Variants in MYOCD observed in about 807,000 individuals in gnomAD.
MYOCD encodes the protein myocardin.
In MYOCD, 32 loss-of-function variants were observed where a neutral mutation model predicts 96.1. That is an observed-to-expected ratio of 0.33 (90% CI 0.25 to 0.45). MYOCD has a LOEUF of 0.45. MYOCD is among the 20% of genes least tolerant of loss of function. The pLI is 1.00. For missense variants in MYOCD, 1,133 were observed against 1,200.6 expected (o/e 0.94, Z 0.83); for synonymous variants, 469 against 469.0 (o/e 1.00, Z 0.00).
intron 7 of MYOCD, among the ~76,000 whole-genome samples, chr17:12,742,775 T>C (rs1597799331): frequency 6.6e-6 from 1 of 152,180 alleles, no homozygotes; most frequent in South Asian, 2.1e-4. Context: ...TTTCACCATG[T>C]TGGCCAGGCT....
chr17:12,666,002 C>T lies in MYOCD; in HGVS notation c.-187C>T, dbSNP rs1028988101. 1.8e-6 allele frequency: 1 copy of T among 557,054 alleles called. No homozygotes were observed. Among genetic ancestry groups the T allele is most frequent in the Non-Finnish European group, 3.2e-6 (1 of 312,876 alleles). The allele number at this position is 557,054 out of a possible 1,614,324, so 34.5% of individuals were successfully genotyped here. A position where few individuals can be genotyped will look rare whatever the true frequency, so the allele number is the denominator to read the frequency against. On this transcript the variant is annotated 5_prime_UTR_variant, in exon 1 of 14. The change creates a new upstream start codon in the 5' untranslated region. Coordinates refer to ENST00000425538, the MANE Select transcript of MYOCD (RefSeq NM_001146312.3). ...CGGCTAAGAGTTAATTAGCCCCGCA[C>T]GGCGAGGGGGGAGGCGCCAGTTTTC...
Position 12,768,066 on chromosome 17 carries a change from A to C in MYOCD, c.*4422A>C, listed in dbSNP as rs2033387175. 1 of 152,214 alleles carries C rather than the reference A, an allele frequency of 6.6e-6. No homozygotes were observed. Among genetic ancestry groups the C allele is most frequent in the Admixed American group, 6.5e-5 (1 of 15,284 alleles). The allele number at this position is 152,214 out of a possible 1,614,324, so 9.4% of individuals were successfully genotyped here. On this transcript the variant is annotated 3_prime_UTR_variant, in exon 14 of 14. Transcript: ENST00000425538. ...ATCAGATATGAGAAAACCTGTAGTG[A>C]AGAGTCTGGGTTCTTGGTTTTCTCA...
Position 12,722,827 on chromosome 17 carries a change from T to G in MYOCD, c.254-20T>G, listed in dbSNP as rs761464030. On this transcript the variant is annotated intron_variant, in intron 4 of 13. Transcript: ENST00000425538. ...AGACATCAAATTCTAGAACTGATCC[T>G]TTTCATTTCAACCCTTTAGCTTCCA... 1 of 1,596,092 alleles carries G rather than the reference T, an allele frequency of 6.3e-7. No individual in the cohort carries two copies. The highest frequency in any genetic ancestry group is 1.1e-5 in the South Asian group (1 of 88,248).
chr17:12,733,058 C>G (rs2032225846), intron 5 of MYOCD, among the ~76,000 whole-genome samples: 1 of 152,118 alleles, frequency 6.6e-6, no homozygotes, highest in Admixed American at 6.5e-5. Context: ...CGCCTATAAT[C>G]CCAGCACTTT....
intron 1 of MYOCD, among the ~76,000 whole-genome samples, chr17:12,676,292 C>CAG (rs1910046668): frequency 1.6e-5 from 2 of 124,716 alleles, no homozygotes; most frequent in African/African-American, 3.0e-5. Context: ...CACACACACA[C>CAG]AGAAATGTCT....
At chr17:12,714,325 A>G (rs12949803) in intron 2 of MYOCD, among the ~76,000 whole-genome samples, 2 of 133,026 alleles carry the variant, frequency 1.5e-5, no homozygotes, top group South Asian at 4.7e-4. Context: ...AGGCACGTGC[A>G]CACACACACA....
intron 6 of MYOCD, 129 bp from the exon 7 acceptor site, chr17:12,739,074 G>T (rs1466054488): frequency 2.9e-6 from 3 of 1,039,584 alleles, no homozygotes; most frequent in South Asian, 3.3e-5. Flanking sequence ...CACTGAGGGA[G>T]TAGGCTGATA....
At chr17:12,690,685 G>A (rs779965731) in intron 1 of MYOCD, among the ~76,000 whole-genome samples, 17 of 152,010 alleles carry the variant, frequency 1.1e-4, no homozygotes, top group Admixed American at 2.0e-4. Flanking sequence ...TTGTGAAAAT[G>A]TATTCCCAGT....
intron 5 of MYOCD, among the ~76,000 whole-genome samples, chr17:12,723,859 A>G (rs929756946): frequency 1.3e-5 from 2 of 152,228 alleles, no homozygotes; most frequent in Non-Finnish European, 2.9e-5. Context: ...AGTAGGTGTA[A>G]GGGCATTTTA....
chr17:12,718,255 G>A (rs191100489), intron 4 of MYOCD, among the ~76,000 whole-genome samples: 1 of 152,130 alleles, frequency 6.6e-6, no homozygotes, highest in Non-Finnish European at 1.5e-5. Flanking sequence ...AATCCAGCAT[G>A]AAAAGAAAGG....
intron 7 of MYOCD, among the ~76,000 whole-genome samples, chr17:12,740,159 T>C (rs1672331056): frequency 6.6e-6 from 1 of 152,154 alleles, no homozygotes; most frequent in African/African-American, 2.4e-5. Context: ...ATGGTCTTCA[T>C]CTCCTGACCT....
intron 2 of MYOCD, among the ~76,000 whole-genome samples, chr17:12,712,481 G>A (rs1329593782): frequency 2.0e-5 from 3 of 152,248 alleles, no homozygotes; most frequent in African/African-American, 4.8e-5. Context: ...GTGGTTCCAC[G>A]ACCTGTCTTC....
intron 1 of MYOCD, among the ~76,000 whole-genome samples, chr17:12,698,306 A>G (rs1022185658): frequency 6.6e-6 from 1 of 152,232 alleles, no homozygotes; most frequent in African/African-American, 2.4e-5. Context: ...AAAATCTGAT[A>G]AAAGTCATAA....
rs752426046 is a variant in MYOCD at position 12,665,907 on chromosome 17, G to A, written c.-282G>A. 42 of 458,824 alleles carry A rather than the reference G, an allele frequency of 9.2e-5. No homozygotes were observed. The highest frequency in any genetic ancestry group is 5.9e-4 in the Middle Eastern group (1 of 1,692). The allele number at this position is 458,824 out of a possible 1,614,324, so 28.4% of individuals were successfully genotyped here. A position where few individuals can be genotyped will look rare whatever the true frequency, so the allele number is the denominator to read the frequency against. ...TTCTCCGCAATCGCCGGCAGCCTAT[G>A]ACATCAGACAGGAACGCCTGGGATG... On this transcript the variant is annotated 5_prime_UTR_variant, in exon 1 of 14. The change abolishes an upstream ATG in the 5' untranslated region. Transcript: ENST00000425538. This position sits in a 1 kb window ranked among gnomAD's most constrained non-coding sequence, Gnocchi z 4.2.
rs1597809520 is a variant in MYOCD at position 12,753,082 on chromosome 17, A to G, written c.1794A>G (p.Pro598=). 6.2e-7 allele frequency: 1 copy of G among 1,614,140 alleles called. No individual in the cohort carries two copies. The highest frequency in any genetic ancestry group is 8.5e-7 in the Non-Finnish European group (1 of 1,180,024). Residue 598 remains proline (P), a synonymous_variant, in exon 10 of 14, where the codon CCA becomes CCG. Transcript: ENST00000425538. ...AAAGCAGCAGCTCAGAGTGTCACCC[A>G]CCGGCTTGTGAAGCTGCTCAACTCC... ...KRQSSSSECH[P]PACEAAQLQP... is the part of the protein sequence containing the mutation.
chr17:12,689,406 A>C (rs1014832273), intron 1 of MYOCD, among the ~76,000 whole-genome samples: 2 of 152,216 alleles, frequency 1.3e-5, no homozygotes, highest in African/African-American at 4.8e-5. Context: ...ACACCAAACA[A>C]AACAAAATAT....
chr17:12,670,385 C>A (rs1421575365), intron 1 of MYOCD, among the ~76,000 whole-genome samples: 1 of 152,160 alleles, frequency 6.6e-6, no homozygotes, highest in Non-Finnish European at 1.5e-5. Flanking sequence ...ATCCTTCAGA[C>A]AACCTAAAAG....
intron 2 of MYOCD, among the ~76,000 whole-genome samples, chr17:12,714,681 C>T (rs1256642716): frequency 1.3e-5 from 2 of 152,048 alleles, no homozygotes; most frequent in Non-Finnish European, 1.5e-5. Context: ...TTTATTAAAT[C>T]CCCATAAGAG....
intron 11 of MYOCD, 138 bp downstream of exon 11, chr17:12,756,695 CAAAAAAA>C: frequency 2.4e-4 from 34 of 139,342 alleles, no homozygotes; most frequent in Non-Finnish European, 3.1e-4. Context: ...GACTGCATCT[CAAAAAAA>C]AAAAAAAAAA....
Sources: gnomAD v4.1 joint callset for allele counts (sites outside exome capture counted in the v4.1 genomes callset) on GRCh38, gnomAD v4.1.1 for gene constraint, Gnocchi (gnomAD v3.1) non-coding constraint, MANE v1.5 for transcripts, NCBI Gene and HGNC (gene_info 2026-07-23, HGNC 2026-07-21) for gene names.